Variants in NAALADL2 observed in about 807,000 individuals in gnomAD.
NAALADL2 encodes the protein N-acetylated alpha-linked acidic dipeptidase like 2, also known as inactive N-acetylated-alpha-linked acidic dipeptidase-like protein 2.
Under a neutral mutation model 87.2 loss-of-function variants are expected in NAALADL2, and 76 were observed. The observed-to-expected ratio is 0.87, with a 90% CI of 0.72 to 1.05. The LOEUF (loss-of-function observed/expected upper bound fraction) is 1.05, where lower values mean the gene tolerates loss of function less well. NAALADL2 is among the 50% of genes least tolerant of loss of function. The probability of loss-of-function intolerance (pLI) is 0.00; values close to 1 mark genes in which losing one functional copy is unlikely to be tolerated. For missense variants in NAALADL2, 1,089 were observed against 945.8 expected (o/e 1.15, Z -1.99); for synonymous variants, 354 against 331.0 (o/e 1.07, Z -0.75).
intron 12 of NAALADL2, among the ~76,000 whole-genome samples, chr3:175,739,620 C>T (rs1008350861): frequency 3.3e-5 from 5 of 152,190 alleles, no homozygotes; most frequent in Non-Finnish European, 7.3e-5. Flanking sequence ...ATGGACTTCA[C>T]ATCTCCTGAA....
At chr3:175,248,425 A>G (rs927387751) in intron 3 of NAALADL2, among the ~76,000 whole-genome samples, 4 of 152,170 alleles carry the variant, frequency 2.6e-5, no homozygotes, top group African/African-American at 9.7e-5. Context: ...ATAACTGAAA[A>G]CAAGTTTATG....
chr3:175,015,577 C>T (rs1232821226), intron 1 of NAALADL2, among the ~76,000 whole-genome samples: 1 of 151,984 alleles, frequency 6.6e-6, no homozygotes, highest in Non-Finnish European at 1.5e-5. Context: ...AACGTCTTTG[C>T]CTTTTCCTGT....
intron 1 of NAALADL2, among the ~76,000 whole-genome samples, chr3:175,085,027 A>T (rs1403725478): frequency 6.6e-6 from 1 of 152,158 alleles, no homozygotes. Context: ...AAAAGGTCAT[A>T]CTACAAAATT....
chr3:174,841,896 T>G (rs946726400), intron 3 of NAALADL2, among the ~76,000 whole-genome samples: 1 of 152,194 alleles, frequency 6.6e-6, no homozygotes, highest in Non-Finnish European at 1.5e-5. Flanking sequence ...ATGCCTTCCT[T>G]AGCATTCCTC....
At chr3:175,114,371 A>C (rs1014702842) in intron 2 of NAALADL2, among the ~76,000 whole-genome samples, 4 of 151,686 alleles carry the variant, frequency 2.6e-5, no homozygotes, top group African/African-American at 9.7e-5. Context: ...ACCATCTGGC[A>C]GGGATAGAGA....
chr3:174,662,316 C>T (rs1403432388), intron 2 of NAALADL2, among the ~76,000 whole-genome samples: 1 of 152,072 alleles, frequency 6.6e-6, no homozygotes, highest in African/African-American at 2.4e-5. Flanking sequence ...AAATTTGCTT[C>T]TATATTCATT....
intron 1 of NAALADL2, among the ~76,000 whole-genome samples, chr3:175,068,937 C>G (rs997867579): frequency 6.6e-6 from 1 of 151,978 alleles, no homozygotes; most frequent in African/African-American, 2.4e-5. Context: ...GTTAAATTCC[C>G]CATACGCCAC....
chr3:175,362,216 A>C (rs1465798102), intron 5 of NAALADL2, among the ~76,000 whole-genome samples: 3 of 147,646 alleles, frequency 2.0e-5, no homozygotes, highest in African/African-American at 7.4e-5. Flanking sequence ...GTTCTGTTCC[A>C]TTGGTCTATA....
intron 2 of NAALADL2, among the ~76,000 whole-genome samples, chr3:174,571,986 G>A (rs906993465): frequency 6.6e-6 from 1 of 152,152 alleles, no homozygotes; most frequent in Non-Finnish European, 1.5e-5. Flanking sequence ...AATGAAGAAA[G>A]CTACCCTGTT....
At position 175,104,715 on chromosome 3, in the gene NAALADL2, C is replaced by T. The variant is rs534003333; in HGVS notation, c.545+7424C>T. Among the ~76,000 whole-genome samples the T allele has an allele frequency of 7.2e-5, 11 of 152,050 alleles. No homozygotes were observed. In the South Asian group the frequency reaches 1.2e-3, roughly 17 times the overall value. ...ATGCACATAATTCAGTGTATGCAAA[C>T]GATAACAGAATGAATTTAACAGTAA... On this transcript the variant is annotated intron_variant, in intron 2 of 13. Coordinates refer to ENST00000454872, the MANE Select transcript of NAALADL2 (RefSeq NM_207015.3).
chr3:174,659,250 C>T (rs1016492919), intron 2 of NAALADL2, among the ~76,000 whole-genome samples: 1 of 152,052 alleles, frequency 6.6e-6, no homozygotes, highest in Admixed American at 6.6e-5. Flanking sequence ...TATGTTCCCT[C>T]GTTTATTTGT....
At chr3:175,646,600 A>AT (rs1730040721) in intron 11 of NAALADL2, among the ~76,000 whole-genome samples, 2 of 152,074 alleles carry the variant, frequency 1.3e-5, no homozygotes, top group Admixed American at 1.3e-4. Flanking sequence ...CTATTCCTCT[A>AT]TCCCTATGAT....
intron 2 of NAALADL2, among the ~76,000 whole-genome samples, chr3:174,624,162 A>G (rs1314899138): frequency 6.7e-6 from 1 of 148,532 alleles, no homozygotes; most frequent in Non-Finnish European, 1.5e-5. Flanking sequence ...TCCTTATAAT[A>G]ATAATTCTGT....
intron 1 of NAALADL2, among the ~76,000 whole-genome samples, chr3:174,531,524 G>A (rs1578101809): frequency 6.6e-6 from 1 of 152,280 alleles, no homozygotes; most frequent in African/African-American, 2.4e-5. Flanking sequence ...CAGGAGCAAA[G>A]TTCACTGAGA....
chr3:175,133,033 C>A (rs1211884029), intron 2 of NAALADL2, among the ~76,000 whole-genome samples: 2 of 150,672 alleles, frequency 1.3e-5, no homozygotes, highest in East Asian at 4.0e-4. Flanking sequence ...GAGGCACTCC[C>A]CACATCCCAG....
chr3:175,779,798 G>T (rs984689294), intron 13 of NAALADL2, among the ~76,000 whole-genome samples: 1 of 152,054 alleles, frequency 6.6e-6, no homozygotes, highest in Non-Finnish European at 1.5e-5. Context: ...TCACTTTCCT[G>T]CCTATAAACT....
chr3:174,471,932 G>C (rs2108312577), intron 1 of NAALADL2, among the ~76,000 whole-genome samples: 1 of 152,180 alleles, frequency 6.6e-6, no homozygotes, highest in Non-Finnish European at 1.5e-5. Flanking sequence ...ACTGATGATA[G>C]CTGTATCAGT....
At chr3:174,765,139 C>CGAGAGAG (rs760807858) in intron 3 of NAALADL2, among the ~76,000 whole-genome samples, 54 of 124,520 alleles carry the variant, frequency 4.3e-4, no homozygotes, top group African/African-American at 1.2e-3. Context: ...CACACACACA[C>CGAGAGAG]ACACGAGAGA....
At position 174,981,662 on chromosome 3, in the gene NAALADL2, C is replaced by T. The variant is rs748877828; in HGVS notation, c.44-115128C>T. On this transcript the variant is annotated intron_variant, in intron 1 of 13. Transcript: ENST00000454872. Reference sequence around the variant, plus strand: ...TGAAAGCTGAGAGTCTGCGTCGCTTCGGATCATGATAAAAAAACCCCAAAA... The same window carrying T: ...TGAAAGCTGAGAGTCTGCGTCGCTTTGGATCATGATAAAAAAACCCCAAAA... 4.6e-5 allele frequency among the ~76,000 whole-genome samples: 7 copies of T among 152,044 alleles called. No homozygotes were observed. The South Asian group carries it at 8.3e-4, about 18-fold the overall frequency.
Sources: gnomAD v4.1 joint callset for allele counts (sites outside exome capture counted in the v4.1 genomes callset) on GRCh38, gnomAD v4.1.1 for gene constraint, MANE v1.5 for transcripts, NCBI Gene and HGNC (gene_info 2026-07-23, HGNC 2026-07-21) for gene names.